RNF213: variants seen among roughly 807,000 people sequenced by gnomAD.
RNF213 encodes E3 ubiquitin-protein ligase RNF213.
In RNF213, 341 loss-of-function variants were observed where a neutral mutation model predicts 514.4. The ratio of observed to expected loss-of-function variants is 0.66; its 90% CI spans 0.61 to 0.73. RNF213 has a LOEUF of 0.73. Ranked by LOEUF, RNF213 falls within the 30% of genes least tolerant of loss-of-function variation. RNF213 has a pLI of 0.00. For missense variants in RNF213, 5,767 were observed against 6,615.6 expected (o/e 0.87, Z 4.45); for synonymous variants, 2,655 against 2,658.2 (o/e 1.00, Z 0.04).
chr17:80,380,938 G>A lies in RNF213; in HGVS notation c.13748G>A (p.Arg4583Gln), dbSNP rs199887580. Residue 4583 changes from arginine (R) to glutamine (Q), a missense_variant, in exon 56 of 68, where the codon CGG becomes CAG. Arg to Gln is a conservative substitution (Grantham distance 43, BLOSUM62 1). Transcript: ENST00000582970. ...GLPPVVFLLI[R>Q]LLTHLALLLG... ...CCCCCAGTGGTCTTCCTCCTTATCC[G>A]GCTACTCACTCACTTGGCTCTGCTT... is the stretch of plus-strand genomic sequence containing the variant. The A allele has an allele frequency of 1.8e-4, 285 of 1,614,020 alleles. No individual in the cohort carries two copies. Among genetic ancestry groups the A allele is most frequent in the Non-Finnish European group, 1.6e-4 (189 of 1,180,036 alleles).
chr17:80,334,077 C>T (rs1400146859), intron 21 of RNF213, 28 bp from the exon 22 acceptor site: 3 of 1,536,848 alleles, frequency 2.0e-6, no homozygotes, highest in Non-Finnish European at 2.6e-6. Flanking sequence ...TAATGAGTTC[C>T]AGTCCACAGT....
chr17:80,301,682 G>A (rs8076804), intron 11 of RNF213, among the ~76,000 whole-genome samples: 32,466 of 152,128 alleles, frequency 0.21, 3,967 homozygotes, highest in African/African-American at 0.33. Flanking sequence ...CTCTCATACA[G>A]TGTAGGAATG....
chr17:80,291,759 A>G lies in RNF213; in HGVS notation c.1403A>G (p.His468Arg). Residue 468 changes from histidine (H) to arginine (R), a missense_variant, in exon 8 of 68, where the codon CAC becomes CGC. By Grantham distance (29) the His-to-Arg change is conservative (BLOSUM62 0). This residue lies in a region of RNF213 where 592 missense variants were observed against 673.9 expected (regional missense o/e 0.88). Transcript: ENST00000582970. ...TTTGAGTATGAGTTCATTTACAAGC[A>G]CCAGCAGAAGAAGGGCGAGTACGTC... ...ESFEYEFIYKHQQKKGEYVNR... is the reference protein window; with the variant it reads ...ESFEYEFIYKRQQKKGEYVNR... The G allele has an allele frequency of 1.2e-6, 2 of 1,614,228 alleles. No individual in the cohort carries two copies. Among genetic ancestry groups the G allele is most frequent in the Non-Finnish European group, 1.7e-6 (2 of 1,180,050 alleles).
intron 56 of RNF213, 68 bp downstream of exon 56, chr17:80,381,055 C>CT (rs2079979820): frequency 8.4e-6 from 13 of 1,539,026 alleles, no homozygotes; most frequent in Non-Finnish European, 1.2e-5. Context: ...CCAGGGAGTC[C>CT]TTTTGTCTTG....
Position 80,288,862 on chromosome 17 carries a change from A to G in RNF213, c.933+107A>G. 1 of 1,580,134 alleles carries G rather than the reference A, an allele frequency of 6.3e-7. No homozygotes were observed. The highest frequency in any genetic ancestry group is 8.6e-7 in the Non-Finnish European group (1 of 1,156,830). On this transcript the variant is annotated intron_variant, in intron 5 of 67. Coordinates refer to ENST00000582970, the MANE Select transcript of RNF213 (RefSeq NM_001256071.3). The surrounding 1 kb of genome is among the most constrained non-coding windows in gnomAD (Gnocchi z 4.9). ...ATATTTAAGTGCTGGGGATATAGCC[A>G]TGATTCAGACAAAGCTCTGGCCTTC...
In RNF213 at chr17:80,263,734, G is replaced by A; in HGVS notation, c.53G>A (p.Cys18Tyr). 1.9e-6 allele frequency: 3 copies of A among 1,614,146 alleles called. No homozygotes were observed. Among genetic ancestry groups the A allele is most frequent in the Non-Finnish European group, 2.5e-6 (3 of 1,180,004 alleles). ...TCCAAGGAGGAAACCCCCAAGTTCT[G>A]CAGCCAGTGCGGAGAGAGGCTGCCT... Reference protein sequence around the residue: ...HVSKEETPKFCSQCGERLPPA... With the variant: ...HVSKEETPKFYSQCGERLPPA... Residue 18 changes from cysteine (C) to tyrosine (Y), a missense_variant, in exon 2 of 68, where the codon TGC (cysteine) becomes TAC (tyrosine). By Grantham distance (194) the Cys-to-Tyr change is radical (BLOSUM62 -2). Coordinates refer to ENST00000582970, the MANE Select transcript of RNF213 (RefSeq NM_001256071.3). The surrounding 1 kb of genome is among the most constrained non-coding windows in gnomAD (Gnocchi z 4.9).
At position 80,351,666 on chromosome 17, in the gene RNF213, T is replaced by A; in HGVS notation, c.10185-19T>A. 2 of 1,275,952 alleles carry A rather than the reference T, an allele frequency of 1.6e-6. No individual in the cohort carries two copies. The highest frequency in any genetic ancestry group is 2.3e-6 in the Non-Finnish European group (2 of 883,320). The allele number at this position is 1,275,952 out of a possible 1,614,324, so 79.0% of individuals were successfully genotyped here. ...TGTTTGTTTTTAAAATAGGTATTCT[T>A]TTTTTTTTCTTTAAATAGGTATTCT... is the stretch of plus-strand genomic sequence containing the variant. On this transcript the variant is annotated intron_variant, in intron 31 of 67. Transcript: ENST00000582970.
rs986672665 is a variant in RNF213, at chr17:80,332,502, C to A, written c.4014C>A (p.Asp1338Glu). The change falls in exon 21 of 68, where the codon GAC becomes GAA. Residue 1338 changes from aspartate (D) to glutamate (E), a missense_variant. By Grantham distance (45) the Asp-to-Glu change is conservative. Transcript: ENST00000582970. ...AGGACCAAAGAGATTGGATCAAGGA[C>A]CGAGTCGAACAGATCAAGGAATACC... ...DHQDQRDWIK[D>E]RVEQIKEYHH... 2 of 1,537,114 alleles carry A rather than the reference C, an allele frequency of 1.3e-6. No individual in the cohort carries two copies. The highest frequency in any genetic ancestry group is 2.4e-5 in the South Asian group (2 of 84,058).
At chr17:80,270,484 T>C (rs955334506) in intron 2 of RNF213, among the ~76,000 whole-genome samples, 1 of 152,240 alleles carries the variant, frequency 6.6e-6, no homozygotes, top group Non-Finnish European at 1.5e-5. Flanking sequence ...CTGTGCTCCC[T>C]GCCTTCTAGA....
chr17:80,381,393 G>A, intron 56 of RNF213, 154 bp from the exon 57 acceptor site: 1 of 791,182 alleles, frequency 1.3e-6, no homozygotes, highest in Non-Finnish European at 2.2e-6. Flanking sequence ...CCGCTTGCTA[G>A]CCTTCCTTTC....
rs1447321980 is a variant in RNF213 at position 80,319,909 on chromosome 17, G to A, written c.3024+597G>A. Reference sequence around the variant, plus strand: ...TACAAGCACAGCCTTGCGGCCACAGGGGAAGTCCAGAAACATTGAGGTCAT... The same window carrying A: ...TACAAGCACAGCCTTGCGGCCACAGAGGAAGTCCAGAAACATTGAGGTCAT... On this transcript the variant is annotated intron_variant, in intron 17 of 67. Coordinates refer to ENST00000582970, the MANE Select transcript of RNF213 (RefSeq NM_001256071.3). 30 of 1,064,054 alleles carry A rather than the reference G, an allele frequency of 2.8e-5. No homozygotes were observed. In the Admixed American group the frequency reaches 1.5e-3, roughly 52 times the overall value. 65.9% of individuals were successfully genotyped at this position (1,064,054 alleles called of 1,614,324 possible). A position where few individuals can be genotyped will look rare whatever the true frequency, so the allele number is the denominator to read the frequency against.
intron 26 of RNF213, among the ~76,000 whole-genome samples, chr17:80,342,622 A>G (rs1349147485): frequency 6.8e-6 from 1 of 146,928 alleles, no homozygotes; most frequent in African/African-American, 2.5e-5. Context: ...CATATTCTAT[A>G]TAGATTTCTA....
chr17:80,288,810 C>A lies in RNF213; in HGVS notation c.933+55C>A, dbSNP rs921651926. ...GGAGGCCCTCTCCTGCCCACGGCTGCGCCTCTTTCATTTAATTATTCAGCA... is the reference window on the plus strand; with the variant it reads ...GGAGGCCCTCTCCTGCCCACGGCTGAGCCTCTTTCATTTAATTATTCAGCA... On this transcript the variant is annotated intron_variant, in intron 5 of 67. Transcript: ENST00000582970. The surrounding 1 kb of genome is among the most constrained non-coding windows in gnomAD (Gnocchi z 4.9). The A allele has an allele frequency of 6.2e-7, 1 of 1,612,714 alleles. No homozygotes were observed. Among genetic ancestry groups the A allele is most frequent in the Non-Finnish European group, 8.5e-7 (1 of 1,179,780 alleles).
At position 80,376,242 on chromosome 17, in the gene RNF213, A is replaced by G. The variant is rs2079752674; in HGVS notation, c.13186-59A>G. ...GTGTATTTGGTGTCAGTGTATGTCT[A>G]AGAGCAATTCACACAATATTCTTTG... On this transcript the variant is annotated intron_variant, in intron 51 of 67. Coordinates refer to ENST00000582970, the MANE Select transcript of RNF213 (RefSeq NM_001256071.3). 22 of 1,592,298 alleles carry G rather than the reference A, an allele frequency of 1.4e-5. No homozygotes were observed. The South Asian group carries it at 2.4e-4, about 18-fold the overall frequency.
At chr17:80,355,132 A>C in intron 36 of RNF213, 2 of 454,980 alleles carry the variant, frequency 4.4e-6, no homozygotes, top group Non-Finnish European at 8.8e-6. Context: ...ACAGACTCTC[A>C]GACCTCCTGC....
chr17:80,364,341 C>G, intron 41 of RNF213, 92 bp from the exon 42 acceptor site: 1 of 1,582,930 alleles, frequency 6.3e-7, no homozygotes, highest in Non-Finnish European at 8.7e-7. Flanking sequence ...ACCCCGGGTC[C>G]CGCATCTCTT....
At chr17:80,359,610 GAGAA>G (rs375577940) in intron 37 of RNF213, among the ~76,000 whole-genome samples, 1,801 of 62,274 alleles carry the variant, frequency 0.029, 36 homozygotes, top group African/African-American at 0.082. Flanking sequence ...GAGAGAAAGA[GAGAA>G]AGAAAGTAAA....
At chr17:80,388,770 C>G (rs2080341976) in intron 64 of RNF213, 81 bp downstream of exon 64, 1 of 1,114,440 alleles carries the variant, frequency 9.0e-7, no homozygotes, top group African/African-American at 1.5e-5. Flanking sequence ...CCTACTCCAG[C>G]CTTGCCCCGG....
In RNF213 at chr17:80,263,779, G is replaced by C; in HGVS notation, c.97+1G>C. ...CTGCCTCCTGCAGCCCCCATAGCAG[G>C]TGAGGCCCAGGGGTGCTGGTGGAGG... On this transcript the variant is annotated splice_donor_variant, in intron 2 of 67. Coordinates refer to ENST00000582970, the MANE Select transcript of RNF213 (RefSeq NM_001256071.3). LOFTEE classifies it high-confidence loss of function. This position sits in a 1 kb window ranked among gnomAD's most constrained non-coding sequence, Gnocchi z 4.9. The C allele has an allele frequency of 6.2e-7, 1 of 1,613,834 alleles. No homozygotes were observed. Among genetic ancestry groups the C allele is most frequent in the Non-Finnish European group, 8.5e-7 (1 of 1,179,770 alleles).
Sources: gnomAD v4.1 joint callset for allele counts (sites outside exome capture counted in the v4.1 genomes callset) on GRCh38, gnomAD v4.1.1 for gene constraint, gnomAD v4.1.1 regional missense constraint, Gnocchi (gnomAD v3.1) non-coding constraint, MANE v1.5 for transcripts, NCBI Gene and HGNC (gene_info 2026-07-23, HGNC 2026-07-21) for gene names.